Variants in GUCY2C observed in about 807,000 individuals in gnomAD.
The protein encoded by GUCY2C is guanylate cyclase 2C, also known as guanylyl cyclase C.
In GUCY2C, 118 loss-of-function variants were observed where a neutral mutation model predicts 131.1. That is an observed-to-expected ratio of 0.90 (90% CI 0.78 to 1.05). The LOEUF is 1.05. Among genes scored for constraint, GUCY2C ranks in the 50% least tolerant of loss-of-function variants. The probability of loss-of-function intolerance (pLI) is 0.00; values close to 1 mark genes in which losing one functional copy is unlikely to be tolerated. For synonymous variants in GUCY2C, 452 were observed against 457.8 expected (o/e 0.99, Z 0.16); for missense variants, 1,161 against 1,304.4 (o/e 0.89, Z 1.69).
At chr12:14,679,618 T>C (rs767643923) in intron 6 of GUCY2C, 39 bp downstream of exon 6, 2 of 992,644 alleles carry the variant, frequency 2.0e-6, no homozygotes, top group South Asian at 1.3e-5. Flanking sequence ...AATACTTCCT[T>C]TTTGAAAGGA....
rs1453217660 is a variant in GUCY2C, at chr12:14,656,595, G to A, written c.1387C>T (p.Leu463Phe). 6.3e-7 allele frequency: 1 copy of A among 1,577,280 alleles called. No homozygotes were observed. The highest frequency in any genetic ancestry group is 1.1e-5 in the South Asian group (1 of 90,226). ...MLRKYRKDYE[L>F]RQKKWSHIPP... Reference sequence around the variant, plus strand: ...ATGTGGGACCATTTTTTCTGACGAAGTTCATAATCTTTTCTATATTTTCTG... The same window carrying A: ...ATGTGGGACCATTTTTTCTGACGAAATTCATAATCTTTTCTATATTTTCTG... Residue 463 changes from leucine (L) to phenylalanine (F), a missense_variant, in exon 12 of 27, where the codon CTT becomes TTT. Leu to Phe is a conservative substitution (Grantham distance 22). Coordinates refer to ENST00000261170, the MANE Select transcript of GUCY2C (RefSeq NM_004963.4).
intron 2 of GUCY2C, among the ~76,000 whole-genome samples, chr12:14,686,714 A>G (rs1288715257): frequency 1.3e-5 from 2 of 152,112 alleles, no homozygotes; most frequent in Non-Finnish European, 2.9e-5. Flanking sequence ...TCTGGTTGGG[A>G]CCATCTCATC....
intron 20 of GUCY2C, among the ~76,000 whole-genome samples, chr12:14,627,264 C>G (rs561918476): frequency 2.4e-4 from 36 of 152,216 alleles, no homozygotes; most frequent in African/African-American, 8.7e-4. Flanking sequence ...ATCATCATCC[C>G]CTGGGATGGG....
intron 12 of GUCY2C, among the ~76,000 whole-genome samples, chr12:14,655,371 A>T (rs1947743355): frequency 6.6e-6 from 1 of 152,064 alleles, no homozygotes; most frequent in Admixed American, 6.5e-5. Flanking sequence ...TGTGAATAGA[A>T]TTTTTCTGTT....
chr12:14,651,014 A>T (rs1368198181), intron 15 of GUCY2C, among the ~76,000 whole-genome samples: 2 of 152,136 alleles, frequency 1.3e-5, no homozygotes, highest in East Asian at 3.8e-4. Flanking sequence ...CCAAGAGTGG[A>T]GTAATAATTT....
At chr12:14,632,171 G>T (rs2137002363) in intron 19 of GUCY2C, among the ~76,000 whole-genome samples, 1 of 152,144 alleles carries the variant, frequency 6.6e-6, no homozygotes, top group East Asian at 1.9e-4. Context: ...CTCCCATTTT[G>T]TAGGTTGCCT....
At chr12:14,619,447 G>T in intron 23 of GUCY2C, 138 bp from the exon 24 acceptor site, 1 of 596,202 alleles carries the variant, frequency 1.7e-6, no homozygotes. Context: ...TGAAATGTGA[G>T]CTGGGACTTT....
chr12:14,639,815 T>C, intron 19 of GUCY2C, 47 bp downstream of exon 19: 2 of 1,149,460 alleles, frequency 1.7e-6, no homozygotes, highest in Non-Finnish European at 2.6e-6. Context: ...ACATTTATGG[T>C]AATTTTATAG....
At position 14,686,198 on chromosome 12, in the gene GUCY2C, T is replaced by A. The variant is rs772622967; in HGVS notation, c.358A>T (p.Ile120Leu). The part of the protein sequence containing the change: ...SNAQRMGCVL[I>L]GPSCTYSTFQ... ...GTGGAGTATGTACATGAGGGCCCTA[T>A]GAGGACACAGCCCATCCGTTGTGCA... Residue 120 changes from isoleucine (I) to leucine (L), a missense_variant, in exon 3 of 27, where the codon ATA becomes TTA. Transcript: ENST00000261170. 1 of 1,608,238 alleles carries A rather than the reference T, an allele frequency of 6.2e-7. No homozygotes were observed. Among genetic ancestry groups the A allele is most frequent in the South Asian group, 1.1e-5 (1 of 90,930 alleles).
intron 1 of GUCY2C, among the ~76,000 whole-genome samples, chr12:14,689,603 C>T (rs887690906): frequency 6.6e-6 from 1 of 152,152 alleles, no homozygotes; most frequent in Admixed American, 6.5e-5. Context: ...TTACCAGAGT[C>T]CCATATGCAG....
At chr12:14,626,650 TATG>T (rs1947024111) in intron 20 of GUCY2C, among the ~76,000 whole-genome samples, 1 of 152,172 alleles carries the variant, frequency 6.6e-6, no homozygotes, top group Non-Finnish European at 1.5e-5. Flanking sequence ...GTGGTTAAAA[TATG>T]ATGGGACAAT....
chr12:14,646,295 G>A (rs1383754946), intron 15 of GUCY2C, among the ~76,000 whole-genome samples: 2 of 152,180 alleles, frequency 1.3e-5, no homozygotes, highest in African/African-American at 4.8e-5. Flanking sequence ...AGCCCAGTTT[G>A]ATTTTTAGTT....
At chr12:14,662,319 T>A (rs1002639112) in intron 10 of GUCY2C, among the ~76,000 whole-genome samples, 1 of 151,908 alleles carries the variant, frequency 6.6e-6, no homozygotes, top group Non-Finnish European at 1.5e-5. Context: ...GAGAATTAGG[T>A]ATTAAAAAAG....
chr12:14,629,340 T>A (rs1488881473), intron 19 of GUCY2C, among the ~76,000 whole-genome samples: 2 of 152,104 alleles, frequency 1.3e-5, no homozygotes, highest in Non-Finnish European at 2.9e-5. Flanking sequence ...CCTCTGTAAT[T>A]TAGCAGGAGA....
At chr12:14,651,031 CA>C (rs1947646544) in intron 15 of GUCY2C, among the ~76,000 whole-genome samples, 1 of 152,128 alleles carries the variant, frequency 6.6e-6, no homozygotes, top group South Asian at 2.1e-4. Context: ...ATTTGGACAG[CA>C]GCAGAACCAA....
intron 9 of GUCY2C, among the ~76,000 whole-genome samples, chr12:14,671,200 T>G (rs191747661): frequency 6.6e-6 from 1 of 151,998 alleles, no homozygotes. Context: ...GACAGCAAAG[T>G]TATATTTTCT....
chr12:14,690,159 T>C (rs1301074013), intron 1 of GUCY2C, among the ~76,000 whole-genome samples: 1 of 152,228 alleles, frequency 6.6e-6, no homozygotes, highest in Non-Finnish European at 1.5e-5. Context: ...TGGATTTCAC[T>C]CTGACTCACA....
At chr12:14,668,746 A>T (rs909209172) in intron 10 of GUCY2C, among the ~76,000 whole-genome samples, 1 of 152,084 alleles carries the variant, frequency 6.6e-6, no homozygotes, top group Non-Finnish European at 1.5e-5. Context: ...AGCCCTGGCC[A>T]AGCCAGTCAT....
chr12:14,641,082 C>T lies in GUCY2C; in HGVS notation c.2068G>A (p.Glu690Lys). 1 of 1,613,216 alleles carries T rather than the reference C, an allele frequency of 6.2e-7. No homozygotes were observed. Residue 690 changes from glutamate to lysine, a missense_variant and splice_region_variant, in exon 18 of 27, where the codon GAG becomes AAG. Glu to Lys is a moderately conservative substitution (Grantham distance 56, BLOSUM62 1). Transcript: ENST00000261170. ...FYTLSCRDRN[E>K]KIFRVENSNG... ...GACACATGAATGGGTTTAGATGTAC[C>T]ATTCCGGTCCCGACAGCTCAAAGTG... is the stretch of plus-strand genomic sequence containing the variant.
Sources: allele counts gnomAD v4.1 joint callset (sites outside exome capture counted in the v4.1 genomes callset), GRCh38; gene constraint gnomAD v4.1.1; transcripts MANE v1.5; gene names NCBI Gene and HGNC (gene_info 2026-07-23, HGNC 2026-07-21).